CHD6: variants seen among roughly 807,000 people sequenced by gnomAD.
The protein encoded by CHD6 is chromodomain helicase DNA binding protein 6.
Under a neutral mutation model 276.9 loss-of-function variants are expected in CHD6, and 50 were observed. That is an observed-to-expected ratio of 0.18 (90% confidence interval 0.14 to 0.23). CHD6 has a LOEUF of 0.23. Ranked by LOEUF, CHD6 falls within the 10% of genes least tolerant of loss-of-function variation. The probability of loss-of-function intolerance (pLI) is 1.00; values close to 1 mark genes in which losing one functional copy is unlikely to be tolerated. For missense variants in CHD6, 2,564 were observed against 3,365.8 expected (o/e 0.76, Z 5.89); for synonymous variants, 1,173 against 1,229.3 (o/e 0.95, Z 0.96).
intron 30 of CHD6, among the ~76,000 whole-genome samples, chr20:41,422,549 G>A (rs1441157264): frequency 1.3e-5 from 2 of 152,128 alleles, no homozygotes; most frequent in Non-Finnish European, 2.9e-5. Flanking sequence ...GGAAGGCTGA[G>A]ACAAGAGGAT....
intron 1 of CHD6, among the ~76,000 whole-genome samples, chr20:41,582,297 G>A (rs565826489): frequency 5.9e-5 from 9 of 152,214 alleles, no homozygotes; most frequent in East Asian, 5.8e-4. Flanking sequence ...GAAGAGTTTC[G>A]GACACGGTGA....
chr20:41,413,657 C>T, intron 34 of CHD6, 142 bp from the exon 35 acceptor site: 1 of 672,300 alleles, frequency 1.5e-6, no homozygotes, highest in Middle Eastern at 4.2e-4. Flanking sequence ...TGAATTAGAA[C>T]CCTACACACA....
At chr20:41,550,919 G>A (rs1379430663) in intron 2 of CHD6, among the ~76,000 whole-genome samples, 2 of 152,088 alleles carry the variant, frequency 1.3e-5, no homozygotes, top group Non-Finnish European at 2.9e-5. Context: ...TATAAATAAG[G>A]ATTCTGTAAG....
At chr20:41,591,994 G>A (rs1002445688) in intron 1 of CHD6, among the ~76,000 whole-genome samples, 32 of 152,036 alleles carry the variant, frequency 2.1e-4, no homozygotes, top group Admixed American at 2.6e-4. Context: ...AGCTACTCAG[G>A]AGGCAGAGGC....
chr20:41,547,530 C>G, intron 2 of CHD6: 1 of 450,962 alleles, frequency 2.2e-6, no homozygotes, highest in Non-Finnish European at 4.4e-6. Context: ...ACCCCTGGGT[C>G]TGTCTCCCAA....
chr20:41,450,433 T>C lies in CHD6; in HGVS notation c.3683+513A>G, dbSNP rs550413966. Among the ~76,000 whole-genome samples, 5 of 152,236 alleles carry C rather than the reference T, an allele frequency of 3.3e-5. No homozygotes were observed. The South Asian group carries it at 6.2e-4, about 19-fold the overall frequency. On this transcript the variant is annotated intron_variant, in intron 23 of 36. Transcript: ENST00000373233. The stretch of plus-strand genomic sequence containing the variant: ...CAAGTCCCCAAGACTAAACTAAATA[T>C]GAACAAAGTTTTGTTTTTCAATCAG...
chr20:41,419,290 T>C (rs905406254), intron 31 of CHD6, among the ~76,000 whole-genome samples: 1 of 152,002 alleles, frequency 6.6e-6, no homozygotes. Flanking sequence ...AAAAGCTAGA[T>C]AACCTGAGGC....
At chr20:41,482,567 G>A in intron 16 of CHD6, 1 of 511,104 alleles carries the variant, frequency 2.0e-6, no homozygotes, top group South Asian at 1.4e-5. Flanking sequence ...CAATGCCTAG[G>A]CTACCAGTTT....
chr20:41,425,291 C>T lies in CHD6; in HGVS notation c.4233G>A (p.Lys1411=), dbSNP rs756080427. Reference sequence around the variant, plus strand: ...CCAGAATTTCAGGCCGGCACAGTTCCTTGCGGTTGCAGCGCTGGTAAACAG... The same window carrying T: ...CCAGAATTTCAGGCCGGCACAGTTCTTTGCGGTTGCAGCGCTGGTAAACAG... ...LVTVYQRCNR[K]ELCRPEILGP... The change falls in exon 29 of 37, where the codon AAG becomes AAA. Residue 1411 remains lysine (K), a synonymous_variant. Coordinates refer to ENST00000373233, the MANE Select transcript of CHD6 (RefSeq NM_032221.5). 6.2e-7 allele frequency: 1 copy of T among 1,614,206 alleles called. No individual in the cohort carries two copies. The highest frequency in any genetic ancestry group is 1.1e-5 in the South Asian group (1 of 91,084).
intron 1 of CHD6, among the ~76,000 whole-genome samples, chr20:41,571,449 A>C (rs901498841): frequency 6.8e-6 from 1 of 147,790 alleles, no homozygotes; most frequent in Non-Finnish European, 1.5e-5. Flanking sequence ...CTGGACTGCA[A>C]TGGCACGATC....
rs562125495 is a variant in CHD6, at chr20:41,550,664, G to A, written c.33+641C>T. Among the ~76,000 whole-genome samples the A allele has an allele frequency of 3.3e-5, 5 of 152,234 alleles. No individual in the cohort carries two copies. In the East Asian group the frequency reaches 9.6e-4, roughly 29 times the overall value. ...CTGTAAAAGAAAAACCAGCCCAACA[G>A]AAATAGCCCATTTCCAAGAGACACA... On this transcript the variant is annotated intron_variant, in intron 2 of 36. Coordinates refer to ENST00000373233, the MANE Select transcript of CHD6 (RefSeq NM_032221.5).
At chr20:41,497,123 C>T (rs2043705895) in intron 8 of CHD6, 1 of 402,962 alleles carries the variant, frequency 2.5e-6, no homozygotes, top group South Asian at 2.9e-5. Context: ...GTATTCCTCT[C>T]ACTCTAGCTA....
intron 1 of CHD6, among the ~76,000 whole-genome samples, chr20:41,571,845 C>G: frequency 6.6e-6 from 1 of 152,128 alleles, no homozygotes; most frequent in East Asian, 1.9e-4. Context: ...GAAAGCACAG[C>G]TCTTCACAAA....
At chr20:41,461,262 T>G (rs2048538800) in intron 17 of CHD6, among the ~76,000 whole-genome samples, 1 of 152,242 alleles carries the variant, frequency 6.6e-6, no homozygotes, top group South Asian at 2.1e-4. Context: ...GGGTTAATGC[T>G]GAATGAGTTA....
intron 17 of CHD6, among the ~76,000 whole-genome samples, chr20:41,468,579 C>A (rs753745767): frequency 1.3e-5 from 2 of 152,152 alleles, no homozygotes; most frequent in African/African-American, 2.4e-5. Flanking sequence ...CTGGCATGTC[C>A]CAGTGATCAA....
chr20:41,550,804 C>G (rs762859093), intron 2 of CHD6, among the ~76,000 whole-genome samples: 6 of 152,194 alleles, frequency 3.9e-5, no homozygotes, highest in Non-Finnish European at 8.8e-5. Flanking sequence ...ATAAATCACT[C>G]TCCATCCCAC....
At chr20:41,505,571 T>C (rs1447851739) in intron 5 of CHD6, among the ~76,000 whole-genome samples, 1 of 152,204 alleles carries the variant, frequency 6.6e-6, no homozygotes, top group Non-Finnish European at 1.5e-5. Flanking sequence ...CTGTCTGATA[T>C]TTTAGTTCAT....
At chr20:41,557,472 G>A (rs1335688258) in intron 1 of CHD6, among the ~76,000 whole-genome samples, 2 of 151,526 alleles carry the variant, frequency 1.3e-5, no homozygotes, top group African/African-American at 4.9e-5. Context: ...CAGTGCCTGT[G>A]CCATTTCCAA....
At chr20:41,598,479 G>A (rs565970249) in intron 1 of CHD6, among the ~76,000 whole-genome samples, 6 of 152,118 alleles carry the variant, frequency 3.9e-5, no homozygotes, top group African/African-American at 7.2e-5. Context: ...CTTGTGCAAC[G>A]GGCAGGCCAG....
Sources: allele counts gnomAD v4.1 joint callset (sites outside exome capture counted in the v4.1 genomes callset), GRCh38; gene constraint gnomAD v4.1.1; transcripts MANE v1.5; gene names NCBI Gene and HGNC (gene_info 2026-07-23, HGNC 2026-07-21).